PTPRD: variants seen among roughly 807,000 people sequenced by gnomAD.
The protein encoded by PTPRD is protein tyrosine phosphatase receptor type D.
PTPRD carries 34 observed loss-of-function variants against 214.5 expected under a neutral mutation model. That is an observed-to-expected ratio of 0.16 (90% CI 0.12 to 0.21). PTPRD has a LOEUF of 0.21. PTPRD is among the 10% of genes least tolerant of loss of function. PTPRD has a pLI of 1.00. For synonymous variants in PTPRD, 1,128 were observed against 845.7 expected (o/e 1.33, Z -5.79); for missense variants, 2,545 against 2,398.7 (o/e 1.06, Z -1.27).
intron 5 of PTPRD, among the ~76,000 whole-genome samples, chr9:9,885,590 C>A (rs1240491831): frequency 6.6e-6 from 1 of 151,630 alleles, no homozygotes; most frequent in Non-Finnish European, 1.5e-5. Context: ...CTAGATAGAC[C>A]CAAGAGTCCT....
chr9:9,723,686 G>A (rs535932634), intron 7 of PTPRD, among the ~76,000 whole-genome samples: 1 of 151,956 alleles, frequency 6.6e-6, no homozygotes, highest in East Asian at 1.9e-4. Flanking sequence ...GTAGATCTTT[G>A]GTTTTCCCCA....
intron 8 of PTPRD, among the ~76,000 whole-genome samples, chr9:9,499,772 G>T (rs2096340736): frequency 6.6e-6 from 1 of 151,966 alleles, no homozygotes; most frequent in Admixed American, 6.6e-5. Context: ...CTAGTGTACA[G>T]AACTCTCCCA....
chr9:9,522,975 A>G (rs1370854949), intron 8 of PTPRD, among the ~76,000 whole-genome samples: 2 of 152,154 alleles, frequency 1.3e-5, no homozygotes, highest in African/African-American at 4.8e-5. Flanking sequence ...CCATCTATCT[A>G]TGGAGGAGGC....
At chr9:9,683,552 A>C (rs2097113681) in intron 7 of PTPRD, among the ~76,000 whole-genome samples, 1 of 151,760 alleles carries the variant, frequency 6.6e-6, no homozygotes, top group African/African-American at 2.4e-5. Flanking sequence ...TATAAAGCAT[A>C]ACATCCCTAG....
At chr9:8,685,645 G>A (rs1225304524) in intron 12 of PTPRD, among the ~76,000 whole-genome samples, 3 of 152,124 alleles carry the variant, frequency 2.0e-5, no homozygotes, top group African/African-American at 4.8e-5. Context: ...CAGTGGACTT[G>A]AATAAATAGT....
At chr9:9,249,820 T>C (rs11793988) in intron 9 of PTPRD, among the ~76,000 whole-genome samples, 31,804 of 152,082 alleles carry the variant, frequency 0.21, 3,982 homozygotes, top group Middle Eastern at 0.33. Flanking sequence ...ACTGAAAGAC[T>C]GAACTGGGAG....
At chr9:9,646,234 T>C (rs867257170) in intron 7 of PTPRD, among the ~76,000 whole-genome samples, 2 of 152,198 alleles carry the variant, frequency 1.3e-5, no homozygotes, top group African/African-American at 2.4e-5. Flanking sequence ...ATCTTGCCTC[T>C]GCTCTTGATG....
intron 11 of PTPRD, among the ~76,000 whole-genome samples, chr9:8,868,961 C>T (rs989708985): frequency 1.3e-5 from 2 of 152,128 alleles, no homozygotes; most frequent in Non-Finnish European, 2.9e-5. Flanking sequence ...CAAACATCCT[C>T]TAATGATTTT....
chr9:9,069,162 T>C (rs995082283), intron 10 of PTPRD, among the ~76,000 whole-genome samples: 1 of 152,178 alleles, frequency 6.6e-6, no homozygotes, highest in Non-Finnish European at 1.5e-5. Context: ...AACTTTAAAT[T>C]CCCAAGACAA....
intron 5 of PTPRD, among the ~76,000 whole-genome samples, chr9:9,814,397 C>T (rs1752442726): frequency 6.6e-6 from 1 of 150,882 alleles, no homozygotes; most frequent in South Asian, 2.1e-4. Flanking sequence ...AACCCTCAAC[C>T]CCCCACTATA....
intron 5 of PTPRD, among the ~76,000 whole-genome samples, chr9:9,891,972 G>C (rs761548848): frequency 6.6e-6 from 1 of 152,028 alleles, no homozygotes; most frequent in Middle Eastern, 3.2e-3. Flanking sequence ...GGCTAAGCTA[G>C]AAAACAGAAA....
intron 11 of PTPRD, among the ~76,000 whole-genome samples, chr9:9,006,885 T>G (rs1404149341): frequency 6.6e-6 from 1 of 151,758 alleles, no homozygotes; most frequent in Non-Finnish European, 1.5e-5. Flanking sequence ...TATTGGGGGG[T>G]CATATTTACA....
At chr9:9,398,846 G>A (rs1192642864) in intron 8 of PTPRD, among the ~76,000 whole-genome samples, 1 of 151,900 alleles carries the variant, frequency 6.6e-6, no homozygotes, top group Non-Finnish European at 1.5e-5. Flanking sequence ...GGAAGTTACT[G>A]GCATCATCTT....
chr9:8,919,678 T>G (rs1371794773), intron 11 of PTPRD, among the ~76,000 whole-genome samples: 2 of 152,124 alleles, frequency 1.3e-5, no homozygotes. Flanking sequence ...CACTAATGTG[T>G]ATATATTTAT....
At chr9:10,416,565 G>A (rs931152061) in intron 2 of PTPRD, among the ~76,000 whole-genome samples, 1 of 151,808 alleles carries the variant, frequency 6.6e-6, no homozygotes, top group Non-Finnish European at 1.5e-5. Context: ...AAAAAGAACA[G>A]CTTATGAGAA....
At chr9:9,276,009 T>C (rs944827580) in intron 9 of PTPRD, among the ~76,000 whole-genome samples, 1 of 151,272 alleles carries the variant, frequency 6.6e-6, no homozygotes, top group Non-Finnish European at 1.5e-5. Context: ...ATAACAAATT[T>C]CTCGGGATAA....
chr9:10,135,648 G>C (rs751899037), intron 3 of PTPRD, among the ~76,000 whole-genome samples: 14 of 151,970 alleles, frequency 9.2e-5, no homozygotes, highest in Non-Finnish European at 1.5e-5. Flanking sequence ...AAGTGAAGAA[G>C]AAATAAAATT....
intron 5 of PTPRD, among the ~76,000 whole-genome samples, chr9:9,836,252 C>T (rs914244169): frequency 6.6e-6 from 1 of 152,104 alleles, no homozygotes; most frequent in African/African-American, 2.4e-5. Context: ...GCTCCATGTA[C>T]AAGTTAACTT....
At chr9:10,441,483 A>T (rs2098757947) in intron 2 of PTPRD, among the ~76,000 whole-genome samples, 1 of 151,752 alleles carries the variant, frequency 6.6e-6, no homozygotes, top group African/African-American at 2.4e-5. Context: ...TATATTTATT[A>T]CATTTCAAGC....
Sources: gnomAD v4.1 joint callset for allele counts (sites outside exome capture counted in the v4.1 genomes callset) on GRCh38, gnomAD v4.1.1 for gene constraint, MANE v1.5 for transcripts, NCBI Gene and HGNC (gene_info 2026-07-23, HGNC 2026-07-21) for gene names.